Variants in UNC5D observed in about 807,000 individuals in gnomAD.
The protein encoded by UNC5D is netrin receptor UNC5D.
Under a neutral mutation model 105.4 loss-of-function variants are expected in UNC5D, and 39 were observed. The observed-to-expected ratio is 0.37, with a 90% confidence interval of 0.29 to 0.48. The LOEUF (loss-of-function observed/expected upper bound fraction) is 0.48, where lower values mean the gene tolerates loss of function less well. Among genes scored for constraint, UNC5D ranks in the 20% least tolerant of loss-of-function variants. UNC5D has a pLI of 0.98. For missense variants in UNC5D, 991 were observed against 1,202.4 expected (o/e 0.82, Z 2.60); for synonymous variants, 452 against 450.4 (o/e 1.00, Z -0.04).
At chr8:35,464,799 G>A (rs1809176122) in intron 1 of UNC5D, among the ~76,000 whole-genome samples, 1 of 152,170 alleles carries the variant, frequency 6.6e-6, no homozygotes, top group South Asian at 2.1e-4. Context: ...ATGGGCTACT[G>A]TGTTCCCACA....
intron 1 of UNC5D, among the ~76,000 whole-genome samples, chr8:35,378,055 G>T (rs912499255): frequency 6.6e-6 from 1 of 151,990 alleles, no homozygotes; most frequent in East Asian, 1.9e-4. Context: ...TCTGGCTGCT[G>T]CTATCTGGTC....
chr8:35,611,189 G>T (rs1820657858), intron 4 of UNC5D, among the ~76,000 whole-genome samples: 1 of 152,036 alleles, frequency 6.6e-6, no homozygotes, highest in Non-Finnish European at 1.5e-5. Context: ...GACTAAAACA[G>T]AAAATTCTTG....
chr8:35,684,533 G>A (rs373405713), intron 5 of UNC5D, 49 bp from the exon 6 acceptor site: 3 of 1,588,714 alleles, frequency 1.9e-6, no homozygotes, highest in African/African-American at 2.7e-5. Context: ...TAGGCAATCA[G>A]TAAAAACCTC....
chr8:35,451,469 A>G lies in UNC5D; in HGVS notation c.104-97823A>G, dbSNP rs532043280. Reference sequence around the variant, plus strand: ...AGACATTGAGTCTTTACAATGGTCCAAAGTGGTGGGCATTGTTATCCCAGT... The same window carrying G: ...AGACATTGAGTCTTTACAATGGTCCGAAGTGGTGGGCATTGTTATCCCAGT... On this transcript the variant is annotated intron_variant, in intron 1 of 16. Coordinates refer to ENST00000404895, the MANE Select transcript of UNC5D (RefSeq NM_080872.4). Among the ~76,000 whole-genome samples the G allele has an allele frequency of 7.2e-5, 11 of 152,288 alleles. No individual in the cohort carries two copies. The East Asian group carries it at 1.9e-3, about 27-fold the overall frequency.
chr8:35,675,695 C>T (rs1429210661), intron 4 of UNC5D, among the ~76,000 whole-genome samples: 3 of 151,820 alleles, frequency 2.0e-5, no homozygotes, highest in Non-Finnish European at 2.9e-5. Flanking sequence ...GGTCAAGGGG[C>T]CTGGGGTCCT....
At chr8:35,493,195 C>G in intron 1 of UNC5D, among the ~76,000 whole-genome samples, 1 of 145,016 alleles carries the variant, frequency 6.9e-6, no homozygotes, top group Non-Finnish European at 1.5e-5. Flanking sequence ...GCGGCATTCT[C>G]TGTACCCCAA....
At chr8:35,720,654 G>A (rs752776445) in intron 8 of UNC5D, among the ~76,000 whole-genome samples, 2 of 152,158 alleles carry the variant, frequency 1.3e-5, no homozygotes, top group Non-Finnish European at 2.9e-5. Context: ...GGAAACTGAG[G>A]CTGACGTTTA....
intron 4 of UNC5D, among the ~76,000 whole-genome samples, chr8:35,680,617 T>C (rs1825595733): frequency 2.0e-5 from 3 of 152,186 alleles, no homozygotes; most frequent in African/African-American, 7.2e-5. Context: ...ATGATTTTAT[T>C]TTTCTTTAAG....
rs551739398 is a variant in UNC5D at position 35,286,248 on chromosome 8, T to C, written c.103+50361T>C. Among the ~76,000 whole-genome samples, 3 of 152,272 alleles carry C rather than the reference T, an allele frequency of 2.0e-5. No individual in the cohort carries two copies. In the East Asian group the frequency reaches 5.8e-4, roughly 29 times the overall value. Reference sequence around the variant, plus strand: ...AGATGGTGGAATAGGAATTTTTGTTTAACTTTACTCACCTCACAGAAATCC... The same window carrying C: ...AGATGGTGGAATAGGAATTTTTGTTCAACTTTACTCACCTCACAGAAATCC... On this transcript the variant is annotated intron_variant, in intron 1 of 16. Coordinates refer to ENST00000404895, the MANE Select transcript of UNC5D (RefSeq NM_080872.4).
At chr8:35,434,300 G>A (rs1563414435) in intron 1 of UNC5D, among the ~76,000 whole-genome samples, 1 of 152,064 alleles carries the variant, frequency 6.6e-6, no homozygotes. Flanking sequence ...TTCCACTAAT[G>A]AGAGTCAATG....
intron 3 of UNC5D, among the ~76,000 whole-genome samples, chr8:35,582,784 A>G (rs1438179638): frequency 2.0e-5 from 3 of 152,186 alleles, no homozygotes; most frequent in Non-Finnish European, 4.4e-5. Flanking sequence ...GGTGGTGAGT[A>G]TTGAAAGCTT....
At chr8:35,631,952 T>A (rs1822068206) in intron 4 of UNC5D, among the ~76,000 whole-genome samples, 3 of 152,220 alleles carry the variant, frequency 2.0e-5, no homozygotes. Context: ...ATTTATCCAA[T>A]ACCCAAATGA....
intron 4 of UNC5D, among the ~76,000 whole-genome samples, chr8:35,653,048 G>T (rs975040459): frequency 2.5e-4 from 37 of 146,392 alleles, no homozygotes; most frequent in African/African-American, 8.7e-4. Flanking sequence ...TCCTGCCTTA[G>T]CCTCCTGCGT....
chr8:35,786,402 G>A (rs6996502), intron 16 of UNC5D, among the ~76,000 whole-genome samples: 1,693 of 152,188 alleles, frequency 0.011, 23 homozygotes, highest in African/African-American at 0.037. Flanking sequence ...TCGTTTAGCC[G>A]TGGGTGCCTA....
chr8:35,546,841 T>A (rs999217383), intron 1 of UNC5D, among the ~76,000 whole-genome samples: 1 of 152,202 alleles, frequency 6.6e-6, no homozygotes, highest in South Asian at 2.1e-4. Context: ...CCGAAACCCC[T>A]CTTACTCCCT....
intron 1 of UNC5D, among the ~76,000 whole-genome samples, chr8:35,320,839 A>T (rs771553660): frequency 2.0e-5 from 3 of 152,118 alleles, no homozygotes; most frequent in Non-Finnish European, 2.9e-5. Flanking sequence ...GGGTCCATTC[A>T]GTTGATTGGG....
chr8:35,385,975 A>T (rs1034010067), intron 1 of UNC5D, among the ~76,000 whole-genome samples: 1 of 152,202 alleles, frequency 6.6e-6, no homozygotes, highest in African/African-American at 2.4e-5. Context: ...ATACGATTCC[A>T]TACTATCTAT....
intron 8 of UNC5D, among the ~76,000 whole-genome samples, chr8:35,710,269 A>G (rs1424200417): frequency 1.3e-5 from 2 of 152,222 alleles, no homozygotes; most frequent in African/African-American, 4.8e-5. Context: ...TTTTGATGTC[A>G]GAGTCAAAAG....
intron 3 of UNC5D, among the ~76,000 whole-genome samples, chr8:35,584,736 A>G (rs1818674601): frequency 6.6e-6 from 1 of 151,922 alleles, no homozygotes; most frequent in African/African-American, 2.4e-5. Context: ...CAAGCAAAAG[A>G]CACCATGCGT....
Sources: allele counts gnomAD v4.1 joint callset (sites outside exome capture counted in the v4.1 genomes callset), GRCh38; gene constraint gnomAD v4.1.1; transcripts MANE v1.5; gene names NCBI Gene and HGNC (gene_info 2026-07-23, HGNC 2026-07-21).